OGDHL: variants seen among roughly 807,000 people sequenced by gnomAD.
OGDHL encodes 2-oxoglutarate dehydrogenase-like, mitochondrial.
OGDHL carries 79 observed loss-of-function variants against 109.6 expected under a neutral mutation model. The ratio of observed to expected loss-of-function variants is 0.72; its 90% CI spans 0.60 to 0.87. OGDHL has a LOEUF of 0.87. Ranked by LOEUF, OGDHL falls within the 40% of genes least tolerant of loss-of-function variation. The probability of loss-of-function intolerance (pLI) is 0.00; values close to 1 mark genes in which losing one functional copy is unlikely to be tolerated. For synonymous variants in OGDHL, 528 were observed against 537.2 expected (o/e 0.98, Z 0.24); for missense variants, 1,275 against 1,362.2 (o/e 0.94, Z 1.01).
chr10:49,737,659 C>T, intron 20 of OGDHL, 127 bp downstream of exon 20: 1 of 1,001,550 alleles, frequency 1.0e-6, no homozygotes, highest in South Asian at 1.4e-5. Flanking sequence ...GGGACCATGC[C>T]AGGAGCTGCT....
chr10:49,758,348 C>T (rs1257347249), intron 2 of OGDHL, 41 bp downstream of exon 2: 7 of 1,568,828 alleles, frequency 4.5e-6, no homozygotes, highest in Non-Finnish European at 6.1e-6. Flanking sequence ...CCGAGGGCTT[C>T]CCTCCCTTGC....
intron 15 of OGDHL, among the ~76,000 whole-genome samples, chr10:49,742,340 C>CA (rs1564531463): frequency 1.5e-5 from 2 of 134,086 alleles, no homozygotes; most frequent in African/African-American, 2.8e-5. Context: ...ACGACACACA[C>CA]CACACATGCA....
chr10:49,751,875 G>A lies in OGDHL; in HGVS notation c.701C>T (p.Ser234Phe). ...KFETPGVMQF[S>F]SEEKRTLLAR... ...CAGCAGGGTCCGCTTCTCCTCGCTG[G>A]AGAACTGCATCACACCAGGGGTCTC... The change falls in exon 6 of 23, where the codon TCC becomes TTC. Residue 234 changes from serine to phenylalanine, a missense_variant. Physicochemically the swap from Ser to Phe is radical, Grantham distance 155 (BLOSUM62 -2). Transcript: ENST00000374103. The A allele has an allele frequency of 1.2e-6, 2 of 1,614,144 alleles. No individual in the cohort carries two copies. The highest frequency in any genetic ancestry group is 1.1e-5 in the South Asian group (1 of 91,074).
chr10:49,759,746 C>T (rs570629124), intron 1 of OGDHL, among the ~76,000 whole-genome samples: 1 of 152,326 alleles, frequency 6.6e-6, no homozygotes, highest in Admixed American at 6.5e-5. Flanking sequence ...CCCATGAATA[C>T]CAGCTAATGC....
chr10:49,747,930 A>G (rs1842308109), intron 8 of OGDHL, among the ~76,000 whole-genome samples: 1 of 152,358 alleles, frequency 6.6e-6, no homozygotes, highest in Non-Finnish European at 1.5e-5. Context: ...AAGATAAGCA[A>G]CTGAATTCAT....
chr10:49,742,421 T>C (rs150246850), intron 15 of OGDHL, among the ~76,000 whole-genome samples: 40 of 530 alleles, frequency 0.075, 5 homozygotes, highest in Non-Finnish European at 0.098. Context: ...CATACACACA[T>C]ACACACCACA....
At chr10:49,741,239 T>G (rs940011239) in intron 15 of OGDHL, among the ~76,000 whole-genome samples, 2 of 152,044 alleles carry the variant, frequency 1.3e-5, no homozygotes, top group Non-Finnish European at 2.9e-5. Context: ...CTTGCTGGCT[T>G]CTTTACCATC....
At chr10:49,749,839 C>T (rs1842463442) in intron 7 of OGDHL, 23 bp from the exon 8 acceptor site, 1 of 1,570,116 alleles carries the variant, frequency 6.4e-7, no homozygotes, top group African/African-American at 1.3e-5. Flanking sequence ...GGGCCGGGCT[C>T]TCACCTGGCA....
At position 49,756,601 on chromosome 10, in the gene OGDHL, C is replaced by T. The variant is rs545290068; in HGVS notation, c.375+175G>A. ...AAAAAATTCAAGCAGGTGGTAAGTG[C>T]TCTGAATGGTGATGTGGCAAAGACT... is the stretch of plus-strand genomic sequence containing the variant. On this transcript the variant is annotated intron_variant, in intron 3 of 22. Coordinates refer to ENST00000374103, the MANE Select transcript of OGDHL (RefSeq NM_018245.3). 38 of 576,478 alleles carry T rather than the reference C, an allele frequency of 6.6e-5. No individual in the cohort carries two copies. In the African/African-American group the frequency reaches 6.7e-4, roughly 10 times the overall value. 35.7% of individuals were successfully genotyped at this position (576,478 alleles called of 1,614,324 possible).
chr10:49,756,882 G>A lies in OGDHL; in HGVS notation c.269C>T (p.Pro90Leu), dbSNP rs558386898. Reference sequence around the variant, plus strand: ...CCTGCTCTCATGGACAACAGAAGGGGGCCGTGGCTGAGCAGAGCCAGAAAA... The same window carrying A: ...CCTGCTCTCATGGACAACAGAAGGGAGCCGTGGCTGAGCAGAGCCAGAAAA... ...EAFSGSAQPR[P>L]PSVVHESRSA... The change falls in exon 3 of 23, where the codon CCC becomes CTC. Residue 90 changes from proline to leucine, a missense_variant. Physicochemically the swap from Pro to Leu is moderately conservative, Grantham distance 98. Coordinates refer to ENST00000374103, the MANE Select transcript of OGDHL (RefSeq NM_018245.3). 6.2e-7 allele frequency: 1 copy of A among 1,614,024 alleles called. No homozygotes were observed. Among genetic ancestry groups the A allele is most frequent in the East Asian group, 2.2e-5 (1 of 44,876 alleles).
chr10:49,758,174 G>C (rs1323297915), intron 2 of OGDHL, among the ~76,000 whole-genome samples: 1 of 152,268 alleles, frequency 6.6e-6, no homozygotes, highest in Non-Finnish European at 1.5e-5. Context: ...TGGCTGAGCA[G>C]GACATGGCCA....
intron 22 of OGDHL, among the ~76,000 whole-genome samples, chr10:49,735,601 G>A (rs142146042): frequency 1.3e-5 from 2 of 152,368 alleles, no homozygotes; most frequent in East Asian, 3.9e-4. Context: ...GACAACAAAT[G>A]AGGCAACAAC....
At chr10:49,751,680 C>T (rs1301576498) in intron 6 of OGDHL, 147 bp downstream of exon 6, 4 of 1,077,630 alleles carry the variant, frequency 3.7e-6, no homozygotes, top group Non-Finnish European at 4.0e-6. Context: ...ACACCTGGTC[C>T]CAACTCTCCT....
rs575307672 is a variant in OGDHL, at chr10:49,742,865, G to A, written c.1975C>T (p.Arg659Trp). 18 of 1,613,602 alleles carry A rather than the reference G, an allele frequency of 1.1e-5. No individual in the cohort carries two copies. The highest frequency in any genetic ancestry group is 2.7e-5 in the African/African-American group (2 of 74,934). ...CTCTCCACATCCTGCCCGCTGAGCC[G>A]CACGTGGATGCCTTCCTTCAGCAGG... ...GSLLKEGIHV[R>W]LSGQDVERGT... Residue 659 changes from arginine to tryptophan, a missense_variant, in exon 15 of 23, where the codon CGG (arginine) becomes TGG (tryptophan). By Grantham distance (101) the Arg-to-Trp change is moderately radical. Coordinates refer to ENST00000374103, the MANE Select transcript of OGDHL (RefSeq NM_018245.3).
At chr10:49,756,722 C>A in intron 3 of OGDHL, 54 bp downstream of exon 3, 1 of 1,532,004 alleles carries the variant, frequency 6.5e-7, no homozygotes, top group Admixed American at 1.9e-5. Flanking sequence ...CAGTGCCTGG[C>A]CACACCCCAG....
intron 13 of OGDHL, among the ~76,000 whole-genome samples, chr10:49,744,369 C>G (rs1842024427): frequency 6.6e-6 from 1 of 152,192 alleles, no homozygotes; most frequent in Non-Finnish European, 1.5e-5. Context: ...CAGGGAGGCC[C>G]TCTGAGCACC....
At chr10:49,738,401 A>T in intron 17 of OGDHL, 139 bp from the exon 18 acceptor site, 1 of 785,290 alleles carries the variant, frequency 1.3e-6, no homozygotes, top group Non-Finnish European at 2.0e-6. Context: ...GAACCATAGA[A>T]AAGAACCAAG....
intron 16 of OGDHL, 103 bp from the exon 17 acceptor site, chr10:49,739,942 T>C (rs2132963829): frequency 1.6e-6 from 2 of 1,224,352 alleles, no homozygotes; most frequent in Admixed American, 2.4e-5. Context: ...CCCCCACCCA[T>C]CCTTCTCACA....
At chr10:49,747,733 C>T (rs1010014804) in intron 8 of OGDHL, among the ~76,000 whole-genome samples, 1 of 152,114 alleles carries the variant, frequency 6.6e-6, no homozygotes, top group Non-Finnish European at 1.5e-5. Context: ...CCACGCCCAG[C>T]GATAGGGGAA....
Sources: gnomAD v4.1 joint callset for allele counts (sites outside exome capture counted in the v4.1 genomes callset) on GRCh38, gnomAD v4.1.1 for gene constraint, MANE v1.5 for transcripts, NCBI Gene and HGNC (gene_info 2026-07-23, HGNC 2026-07-21) for gene names.